TRNT1: variants seen among roughly 807,000 people sequenced by gnomAD.
The protein encoded by TRNT1 is CCA tRNA nucleotidyltransferase 1, mitochondrial.
A neutral mutation model predicts 45.6 loss-of-function variants in TRNT1; 44 were observed. That is an observed-to-expected ratio of 0.97 (90% CI 0.76 to 1.24). The LOEUF (loss-of-function observed/expected upper bound fraction) is 1.24. Ranked by LOEUF, TRNT1 falls within the 50% of genes most tolerant of loss-of-function variation. The pLI is 0.00. For synonymous variants in TRNT1, 201 were observed against 171.4 expected (o/e 1.17, Z -1.35); for missense variants, 633 against 504.4 (o/e 1.25, Z -2.44).
In TRNT1 at chr3:3,148,451, C is replaced by G; in HGVS notation, c.*297C>G. The G allele has an allele frequency of 4.4e-6, 1 of 225,142 alleles. No individual in the cohort carries two copies. Among genetic ancestry groups the G allele is most frequent in the Non-Finnish European group, 8.8e-6 (1 of 113,224 alleles). 13.9% of individuals were successfully genotyped at this position (225,142 alleles called of 1,614,324 possible). On this transcript the variant is annotated 3_prime_UTR_variant, in exon 8 of 8. Transcript: ENST00000251607. Reference sequence around the variant, plus strand: ...AGGCTTTTAAAAAAAACTGTTTTTGCATAGGGTAGTACTAAGATCTTAAAA... The same window carrying G: ...AGGCTTTTAAAAAAAACTGTTTTTGGATAGGGTAGTACTAAGATCTTAAAA...
chr3:3,138,327 A>G (rs903496215), intron 3 of TRNT1, among the ~76,000 whole-genome samples: 1 of 152,164 alleles, frequency 6.6e-6, no homozygotes, highest in African/African-American at 2.4e-5. Flanking sequence ...ATTTAAAGGT[A>G]TTGTTTTCTA....
At chr3:3,129,462 C>G in intron 2 of TRNT1, 2 of 412,360 alleles carry the variant, frequency 4.9e-6, no homozygotes, top group Non-Finnish European at 9.0e-6. Flanking sequence ...CTGGGTGTAC[C>G]CAGCCTGTAA....
At position 3,148,425 on chromosome 3, in the gene TRNT1, C is replaced by A. The variant is rs1025255317; in HGVS notation, c.*271C>A. On this transcript the variant is annotated 3_prime_UTR_variant, in exon 8 of 8. Transcript: ENST00000251607. ...TGGCTATTATCTATCTTAACCTGTT[C>A]AGGCTTTTAAAAAAAACTGTTTTTG... The A allele has an allele frequency of 3.7e-6, 1 of 268,322 alleles. No homozygotes were observed. The highest frequency in any genetic ancestry group is 1.1e-3 in the Middle Eastern group (1 of 872). 16.6% of individuals were successfully genotyped at this position (268,322 alleles called of 1,614,324 possible).
intron 4 of TRNT1, chr3:3,140,867 G>C (rs1366265607): frequency 1.7e-5 from 7 of 418,262 alleles, no homozygotes; most frequent in African/African-American, 6.0e-5. Flanking sequence ...CGGATCATGG[G>C]GTCAGGAGAT....
At chr3:3,127,257 A>G (rs1392358760) in intron 1 of TRNT1, 1 of 152,160 alleles carries the variant, frequency 6.6e-6, no homozygotes, top group Non-Finnish European at 1.5e-5. Flanking sequence ...ACGCTTTTTC[A>G]CTGGGCCTTG....
At chr3:3,152,328 GCAAATTA>G, downstream of TRNT1, 1 of 1,054,690 alleles carries the variant, frequency 9.5e-7, no homozygotes, top group Non-Finnish European at 1.4e-6. Flanking sequence ...AATTTTTGTA[GCAAATTA>G]CTCATTTGTC....
chr3:3,145,739 A>T (rs1474476915), intron 5 of TRNT1: 1 of 152,126 alleles, frequency 6.6e-6, no homozygotes, highest in East Asian at 1.9e-4. Context: ...AAACTTGAGT[A>T]TTTGTAGTCT....
At chr3:3,151,885 T>A (rs1706581867), downstream of TRNT1, among the ~76,000 whole-genome samples, 1 of 152,204 alleles carries the variant, frequency 6.6e-6, no homozygotes. Flanking sequence ...CTGCACCTTC[T>A]TAGTCTATCA....
downstream of TRNT1, chr3:3,149,369 T>TATC (rs532483022): frequency 6.6e-6 from 1 of 152,170 alleles, no homozygotes; most frequent in Non-Finnish European, 1.5e-5. Context: ...CAGATTTAGC[T>TATC]ATCAGGTCTG....
At chr3:3,133,394 A>C (rs1485444341) in intron 2 of TRNT1, among the ~76,000 whole-genome samples, 1 of 151,962 alleles carries the variant, frequency 6.6e-6, no homozygotes, top group African/African-American at 2.4e-5. Context: ...TCTGTACAAA[A>C]ATAATAATAA....
downstream of TRNT1, among the ~76,000 whole-genome samples, chr3:3,151,500 T>C (rs1013159989): frequency 7.5e-5 from 8 of 106,580 alleles, no homozygotes; most frequent in Admixed American, 3.9e-4. Flanking sequence ...AAGTAAATAT[T>C]TATATTCTAA....
At chr3:3,149,958 T>C (rs1438627479), downstream of TRNT1, 1 of 152,180 alleles carries the variant, frequency 6.6e-6, no homozygotes, top group Non-Finnish European at 1.5e-5. Context: ...GCAGCCTTTT[T>C]AGAACTTTAA....
At position 3,144,108 on chromosome 3, in the gene TRNT1, A is replaced by G. The variant is rs564024359; in HGVS notation, c.482-476A>G. On this transcript the variant is annotated intron_variant, in intron 4 of 7. Transcript: ENST00000251607. ...ATTTCATTTTTTATGTCATTCAATT[A>G]TTTCTTCGAAAATCCTGTTGTTTTT... 3.3e-5 allele frequency among the ~76,000 whole-genome samples: 5 copies of G among 152,170 alleles called. No individual in the cohort carries two copies. In the South Asian group the frequency reaches 1.0e-3, roughly 32 times the overall value.
chr3:3,148,970 T>TAAAAAGATTTATTCTCTAAAG lies in TRNT1; in HGVS notation c.*819_*820insAAGATTTATTCTCTAAAGAAA. Reference sequence around the variant, plus strand: ...GATATGGCTATTATTATATATTCTCTAAAGATTTGAGTCCTAAATGCTTTC... The same window carrying TAAAAAGATTTATTCTCTAAAG: ...GATATGGCTATTATTATATATTCTCTAAAAAGATTTATTCTCTAAAGAAAGATTTGAGTCCTAAATGCTTTC... On this transcript the variant is annotated 3_prime_UTR_variant, in exon 8 of 8. Coordinates refer to ENST00000251607, the MANE Select transcript of TRNT1 (RefSeq NM_182916.3). The TAAAAAGATTTATTCTCTAAAG allele has an allele frequency of 6.6e-6, 1 of 151,852 alleles. No individual in the cohort carries two copies. Among genetic ancestry groups the TAAAAAGATTTATTCTCTAAAG allele is most frequent in the East Asian group, 1.9e-4 (1 of 5,172 alleles). The allele number at this position is 151,852 out of a possible 1,614,324, so 9.4% of individuals were successfully genotyped here.
chr3:3,138,071 A>G lies in TRNT1; in HGVS notation c.342+618A>G, dbSNP rs370182025. 2.0e-5 allele frequency among the ~76,000 whole-genome samples: 3 copies of G among 152,202 alleles called. No individual in the cohort carries two copies. The East Asian group carries it at 5.8e-4, about 29-fold the overall frequency. ...CAAGTTTCAATTGGGTTTTTGGGAA[A>G]CATCTTACCTGGTGCTGTCTTCCTG... On this transcript the variant is annotated intron_variant, in intron 3 of 7. Coordinates refer to ENST00000251607, the MANE Select transcript of TRNT1 (RefSeq NM_182916.3).
chr3:3,152,847 A>C (rs537643973), downstream of TRNT1: 33 of 501,804 alleles, frequency 6.6e-5, no homozygotes, highest in African/African-American at 6.2e-4. Flanking sequence ...AACCCTCCTC[A>C]AGACAGACAT....
downstream of TRNT1, chr3:3,153,363 A>G (rs563428675): frequency 3.1e-6 from 3 of 971,450 alleles, no homozygotes; most frequent in South Asian, 1.3e-5. Context: ...GAAAACAGAA[A>G]TACAGTCTTC....
chr3:3,145,553 A>C (rs1046192382), intron 5 of TRNT1: 1 of 152,100 alleles, frequency 6.6e-6, no homozygotes, highest in African/African-American at 2.4e-5. Flanking sequence ...GGTAAATATG[A>C]AACGCATGAC....
rs1160757687 is a variant in TRNT1 at position 3,148,837 on chromosome 3, T to C, written c.*683T>C. On this transcript the variant is annotated 3_prime_UTR_variant, in exon 8 of 8. Coordinates refer to ENST00000251607, the MANE Select transcript of TRNT1 (RefSeq NM_182916.3). ...AATTATTGTTTTAATAAAACAAACA[T>C]TGGTATTGGAAGATAAATATGTTTA... is the stretch of plus-strand genomic sequence containing the variant. The C allele has an allele frequency of 6.6e-6, 1 of 152,126 alleles. No homozygotes were observed. Among genetic ancestry groups the C allele is most frequent in the African/African-American group, 2.4e-5 (1 of 41,438 alleles). 9.4% of individuals were successfully genotyped at this position (152,126 alleles called of 1,614,324 possible).
Sources: allele counts gnomAD v4.1 joint callset (sites outside exome capture counted in the v4.1 genomes callset), GRCh38; gene constraint gnomAD v4.1.1; transcripts MANE v1.5; gene names NCBI Gene and HGNC (gene_info 2026-07-23, HGNC 2026-07-21).